ARHGAP15: variants seen among roughly 807,000 people sequenced by gnomAD.
ARHGAP15 encodes rho GTPase-activating protein 15.
A neutral mutation model predicts 63.7 loss-of-function variants in ARHGAP15; 51 were observed. The ratio of observed to expected loss-of-function variants is 0.80; its 90% CI spans 0.64 to 1.01. ARHGAP15 has a LOEUF of 1.01. ARHGAP15 is among the 50% of genes least tolerant of loss of function. The pLI, the probability that ARHGAP15 is intolerant of heterozygous loss-of-function variation, is 0.00. For synonymous variants in ARHGAP15, 191 were observed against 193.8 expected (o/e 0.99, Z 0.12); for missense variants, 560 against 564.6 (o/e 0.99, Z 0.08).
chr2:143,389,009 T>C (rs1270540631), intron 6 of ARHGAP15, among the ~76,000 whole-genome samples: 1 of 151,788 alleles, frequency 6.6e-6, no homozygotes, highest in Non-Finnish European at 1.5e-5. Context: ...TCCCTAAAAA[T>C]ATCTGGGTAG....
intron 2 of ARHGAP15, among the ~76,000 whole-genome samples, chr2:143,183,399 T>A (rs1691312674): frequency 6.6e-6 from 1 of 152,182 alleles, no homozygotes; most frequent in African/African-American, 2.4e-5. Context: ...ACTTAAGGTG[T>A]CTTTCAGATG....
chr2:143,464,802 T>C (rs997542704), intron 8 of ARHGAP15, among the ~76,000 whole-genome samples: 1 of 152,170 alleles, frequency 6.6e-6, no homozygotes, highest in Admixed American at 6.5e-5. Flanking sequence ...AATCATGATA[T>C]TAAAATTCTA....
chr2:143,472,158 A>T (rs967497738), intron 8 of ARHGAP15: 2 of 152,318 alleles, frequency 1.3e-5, no homozygotes, highest in East Asian at 3.9e-4. Flanking sequence ...GATCATTATC[A>T]TCACTACATA....
intron 6 of ARHGAP15, among the ~76,000 whole-genome samples, chr2:143,342,812 A>ATC (rs1301343544): frequency 6.6e-6 from 1 of 151,986 alleles, no homozygotes; most frequent in Non-Finnish European, 1.5e-5. Context: ...TTTTCTTAAA[A>ATC]TCTCTCTCCT....
intron 6 of ARHGAP15, among the ~76,000 whole-genome samples, chr2:143,320,413 C>CA (rs1205887208): frequency 6.0e-5 from 5 of 83,688 alleles, no homozygotes; most frequent in South Asian, 1.4e-3. Context: ...TCCCCACCCC[C>CA]CCCCCCCCCA....
intron 6 of ARHGAP15, among the ~76,000 whole-genome samples, chr2:143,345,915 T>C (rs994021452): frequency 5.3e-5 from 8 of 152,040 alleles, no homozygotes; most frequent in Non-Finnish European, 2.9e-5. Flanking sequence ...ATTGCACCTG[T>C]TCATTATATG....
intron 6 of ARHGAP15, among the ~76,000 whole-genome samples, chr2:143,308,477 A>AACACACACAC (rs4008341): frequency 2.7e-5 from 4 of 149,172 alleles, no homozygotes; most frequent in African/African-American, 9.9e-5. Context: ...GTTGATAAGA[A>AACACACACAC]ACACACACAC....
At chr2:143,151,201 G>T (rs1689801253) in intron 1 of ARHGAP15, among the ~76,000 whole-genome samples, 1 of 151,916 alleles carries the variant, frequency 6.6e-6, no homozygotes, top group South Asian at 2.1e-4. Context: ...GGGGTATGAG[G>T]GTTTCTTTTG....
intron 6 of ARHGAP15, among the ~76,000 whole-genome samples, chr2:143,311,697 G>GA (rs1162125801): frequency 6.6e-6 from 1 of 152,000 alleles, no homozygotes; most frequent in African/African-American, 2.4e-5. Context: ...CAGCAGCATG[G>GA]AAAAAGTAAC....
chr2:143,768,242 A>ATATT lies in ARHGAP15; in HGVS notation c.*72_*75dup, dbSNP rs2072985214. Reference sequence around the variant, plus strand: ...CTAATATTTTTACATTTCTGTAAACATATTTCTGAAATATTTTTTGCCTTT... The same window carrying ATATT: ...CTAATATTTTTACATTTCTGTAAACATATTTATTTCTGAAATATTTTTTGCCTTT... On this transcript the variant is annotated 3_prime_UTR_variant, in exon 14 of 14. Coordinates refer to ENST00000295095, the MANE Select transcript of ARHGAP15 (RefSeq NM_018460.4). 6.9e-7 allele frequency: 1 copy of ATATT among 1,452,554 alleles called. No individual in the cohort carries two copies. The highest frequency in any genetic ancestry group is 1.4e-5 in the South Asian group (1 of 71,384). 90.0% of individuals were successfully genotyped at this position (1,452,554 alleles called of 1,614,324 possible).
chr2:143,470,526 T>TTA (rs57336698), intron 8 of ARHGAP15, among the ~76,000 whole-genome samples: 28,721 of 148,170 alleles, frequency 0.19, 3,057 homozygotes, highest in South Asian at 0.27. Flanking sequence ...TTCTTTTGTT[T>TTA]TATATATATA....
Position 143,214,430 on chromosome 2 carries a change from A to G in ARHGAP15, c.235-1954A>G, listed in dbSNP as rs570391545. Among the ~76,000 whole-genome samples, 204 of 152,342 alleles carry G rather than the reference A, an allele frequency of 1.3e-3. 3 individuals are homozygous for G. The highest frequency in any genetic ancestry group is 0.013 in the Admixed American group (197 of 15,298). ...CCAGTGATACACAGAGTTAAACACT[A>G]AATTTATTATATGGGTTTTACGAGG... On this transcript the variant is annotated intron_variant, in intron 3 of 13. Transcript: ENST00000295095.
At chr2:143,589,057 G>T (rs1007624493) in intron 11 of ARHGAP15, among the ~76,000 whole-genome samples, 5 of 151,914 alleles carry the variant, frequency 3.3e-5, no homozygotes, top group African/African-American at 1.2e-4. Flanking sequence ...GGGCCCTCTT[G>T]CCTACCCACT....
chr2:143,219,992 G>C (rs1489327047), intron 4 of ARHGAP15, among the ~76,000 whole-genome samples: 3 of 152,056 alleles, frequency 2.0e-5, no homozygotes, highest in Non-Finnish European at 4.4e-5. Context: ...CCAAGTTTAT[G>C]GGGCTTGTTT....
chr2:143,634,308 C>A (rs138345304), intron 12 of ARHGAP15, among the ~76,000 whole-genome samples: 1 of 152,074 alleles, frequency 6.6e-6, no homozygotes, highest in South Asian at 2.1e-4. Context: ...AGTTTCTACC[C>A]GCACCGCACA....
intron 2 of ARHGAP15, among the ~76,000 whole-genome samples, chr2:143,192,549 T>C (rs975834277): frequency 2.6e-5 from 4 of 152,246 alleles, no homozygotes; most frequent in African/African-American, 9.6e-5. Context: ...GTCTGTCTGC[T>C]GTCTGCTAAC....
chr2:143,155,679 C>A (rs115391230), intron 2 of ARHGAP15, 24 bp downstream of exon 2: 15,304 of 1,520,544 alleles, frequency 0.01, 94 homozygotes, highest in Non-Finnish European at 0.012. Context: ...CCCAAATATC[C>A]CAAGTTCCTT....
At chr2:143,681,292 C>T (rs921022918) in intron 12 of ARHGAP15, among the ~76,000 whole-genome samples, 11 of 152,100 alleles carry the variant, frequency 7.2e-5, no homozygotes, top group Non-Finnish European at 1.6e-4. Flanking sequence ...GCTTTAGTGA[C>T]CTCTGAGAAA....
intron 6 of ARHGAP15, among the ~76,000 whole-genome samples, chr2:143,353,704 C>G (rs745963889): frequency 6.6e-6 from 1 of 151,992 alleles, no homozygotes; most frequent in East Asian, 1.9e-4. Flanking sequence ...GGTTGCAGCC[C>G]GATTTCATAA....
Sources: allele counts gnomAD v4.1 joint callset (sites outside exome capture counted in the v4.1 genomes callset), GRCh38; gene constraint gnomAD v4.1.1; transcripts MANE v1.5; gene names NCBI Gene and HGNC (gene_info 2026-07-23, HGNC 2026-07-21).